Variants in ACSS1 observed in about 807,000 individuals in gnomAD.
ACSS1 encodes acyl-CoA synthetase short chain family member 1.
A neutral mutation model predicts 75.3 loss-of-function variants in ACSS1; 42 were observed. The observed-to-expected ratio is 0.56, with a 90% CI of 0.44 to 0.72. The LOEUF (loss-of-function observed/expected upper bound fraction) is 0.72, where lower values mean the gene tolerates loss of function less well. ACSS1 is among the 30% of genes least tolerant of loss of function. ACSS1 has a pLI of 0.00. For synonymous variants in ACSS1, 380 were observed against 376.8 expected, an observed-to-expected ratio of 1.01 and a Z score of -0.10; for missense variants, 782 against 935.7, an observed-to-expected ratio of 0.84 and a Z score of 2.14.
intron 1 of ACSS1, among the ~76,000 whole-genome samples, chr20:25,049,694 G>C (rs760276432): frequency 6.6e-6 from 1 of 152,108 alleles, no homozygotes. Context: ...GAGCCTCCAC[G>C]GAGACAGCGC....
intron 3 of ACSS1, among the ~76,000 whole-genome samples, chr20:25,026,677 T>TTAATAAATAAG (rs2088725336): frequency 6.6e-6 from 1 of 152,150 alleles, no homozygotes; most frequent in African/African-American, 2.4e-5. Flanking sequence ...AACACTAAGT[T>TTAATAAATAAG]TTGGAGTAGT....
chr20:25,020,215 G>A, intron 6 of ACSS1, 68 bp from the exon 7 acceptor site: 2 of 1,601,362 alleles, frequency 1.2e-6, no homozygotes, highest in South Asian at 1.1e-5. Flanking sequence ...TCAGAGATCA[G>A]CCAAGACTTC....
intron 2 of ACSS1, among the ~76,000 whole-genome samples, chr20:25,047,539 G>A (rs1034840207): frequency 1.3e-5 from 2 of 152,206 alleles, no homozygotes; most frequent in Non-Finnish European, 2.9e-5. Context: ...AGACCCTGGA[G>A]CTGCCCCCAG....
intron 3 of ACSS1, 83 bp downstream of exon 3, chr20:25,030,676 G>C: frequency 6.8e-7 from 1 of 1,462,706 alleles, no homozygotes; most frequent in Non-Finnish European, 9.4e-7. Context: ...GCACTCTGAT[G>C]GTCTCTACAC....
chr20:25,017,373 C>T (rs775371518), intron 7 of ACSS1, among the ~76,000 whole-genome samples: 5 of 152,210 alleles, frequency 3.3e-5, no homozygotes, highest in Non-Finnish European at 5.9e-5. Context: ...TGTGGAATTG[C>T]ACCGACAGGT....
At chr20:25,013,874 T>G in intron 9 of ACSS1, 87 bp downstream of exon 9, 2 of 1,430,410 alleles carry the variant, frequency 1.4e-6, no homozygotes, top group Non-Finnish European at 1.9e-6. Context: ...GGTACAGACC[T>G]GGGCACACAG....
chr20:25,023,496 G>A lies in ACSS1; in HGVS notation c.777C>T (p.His259=), dbSNP rs777868335. The change falls in exon 4 of 14, where the codon CAC becomes CAT. Residue 259 remains histidine (H), a synonymous_variant. Coordinates refer to ENST00000323482, the MANE Select transcript of ACSS1 (RefSeq NM_032501.4). ...CCAGCGGGACGTCCAGATCCCCCAT[G>A]TGGACCTTGTTGTCTGTCCTGTGAG... ...LVAHRTDNKV[H]MGDLDVPLEQ... The A allele has an allele frequency of 3.7e-6, 6 of 1,614,168 alleles. No individual in the cohort carries two copies. The highest frequency in any genetic ancestry group is 5.1e-6 in the Non-Finnish European group (6 of 1,180,044).
chr20:25,046,714 T>A, intron 2 of ACSS1: 2 of 747,130 alleles, frequency 2.7e-6, no homozygotes, highest in Non-Finnish European at 5.0e-6. Flanking sequence ...GGGCCCACCG[T>A]GGCGAGGGGC....
chr20:25,007,275 A>T lies in ACSS1; in HGVS notation c.*487T>A. 8.9e-7 allele frequency: 1 copy of T among 1,124,374 alleles called. No homozygotes were observed. The highest frequency in any genetic ancestry group is 1.1e-6 in the Non-Finnish European group (1 of 916,254). The allele number at this position is 1,124,374 out of a possible 1,614,324, so 69.6% of individuals were successfully genotyped here. The stretch of plus-strand genomic sequence containing the variant: ...TTCATAACTACATGTTAAAAAGAAC[A>T]TGTTCAAGTAAATCCACACACTACA... On this transcript the variant is annotated 3_prime_UTR_variant, in exon 14 of 14. Coordinates refer to ENST00000323482, the MANE Select transcript of ACSS1 (RefSeq NM_032501.4).
chr20:25,013,787 C>T, intron 9 of ACSS1, 125 bp from the exon 10 acceptor site: 1 of 1,406,774 alleles, frequency 7.1e-7, no homozygotes, highest in Non-Finnish European at 9.5e-7. Flanking sequence ...AGGAGGGCCC[C>T]AAGCCACCTG....
chr20:25,025,477 T>C (rs1245957603), intron 3 of ACSS1, among the ~76,000 whole-genome samples: 2 of 152,242 alleles, frequency 1.3e-5, no homozygotes, highest in Non-Finnish European at 2.9e-5. Context: ...CCATAACAAA[T>C]GACCACAAAC....
chr20:25,034,445 A>G (rs1222701609), intron 2 of ACSS1, among the ~76,000 whole-genome samples: 2 of 152,032 alleles, frequency 1.3e-5, no homozygotes, highest in Non-Finnish European at 2.9e-5. Context: ...TCTCTGGTCG[A>G]GCCCTCCATG....
At chr20:25,030,674 A>G in intron 3 of ACSS1, 85 bp downstream of exon 3, 1 of 1,455,764 alleles carries the variant, frequency 6.9e-7, no homozygotes, top group Non-Finnish European at 9.5e-7. Context: ...CTGCACTCTG[A>G]TGGTCTCTAC....
chr20:25,046,769 G>T (rs774724350), intron 2 of ACSS1: 1 of 779,310 alleles, frequency 1.3e-6, no homozygotes. Context: ...ACTCCAGTGT[G>T]CAGGGGCCAC....
At chr20:25,009,218 A>C (rs1375355366) in intron 13 of ACSS1, 52 bp downstream of exon 13, 2 of 1,414,720 alleles carry the variant, frequency 1.4e-6, no homozygotes, top group Non-Finnish European at 2.0e-6. Context: ...GTCACTTGAC[A>C]ATTGTGGGAA....
chr20:25,019,403 C>T (rs902578236), intron 7 of ACSS1, among the ~76,000 whole-genome samples: 3 of 152,226 alleles, frequency 2.0e-5, no homozygotes, highest in African/African-American at 4.8e-5. Flanking sequence ...AACTGTCTGC[C>T]TGGAAATGTC....
At chr20:25,016,189 T>C (rs1292671911) in intron 7 of ACSS1, among the ~76,000 whole-genome samples, 1 of 152,100 alleles carries the variant, frequency 6.6e-6, no homozygotes, top group Non-Finnish European at 1.5e-5. Context: ...TGCTGTGTGA[T>C]CCCACCCAGC....
intron 2 of ACSS1, among the ~76,000 whole-genome samples, chr20:25,042,588 A>C (rs2089022203): frequency 6.6e-6 from 1 of 152,094 alleles, no homozygotes; most frequent in African/African-American, 2.4e-5. Context: ...TGTTTTAATA[A>C]GGGAGTGTGC....
intron 2 of ACSS1, chr20:25,046,697 T>C: frequency 1.4e-6 from 1 of 700,044 alleles, no homozygotes; most frequent in South Asian, 1.6e-5. Flanking sequence ...CGCAGGCAGA[T>C]GGAGCTGGGC....
Sources: allele counts gnomAD v4.1 joint callset (sites outside exome capture counted in the v4.1 genomes callset), GRCh38; gene constraint gnomAD v4.1.1; transcripts MANE v1.5; gene names NCBI Gene and HGNC (gene_info 2026-07-23, HGNC 2026-07-21).